The following APOO variants were observed in gnomAD, a reference collection of about 807,000 sequenced individuals.
APOO encodes the protein MICOS complex subunit MIC26.
Under a neutral mutation model 23.1 loss-of-function variants are expected in APOO, and 11 were observed. The ratio of observed to expected loss-of-function variants is 0.48; its 90% CI spans 0.30 to 0.79. The LOEUF (loss-of-function observed/expected upper bound fraction) is 0.79, where lower values mean the gene tolerates loss of function less well. Ranked by LOEUF, APOO falls within the 30% of genes least tolerant of loss-of-function variation. The pLI is 0.07. For synonymous variants in APOO, 59 were observed against 54.8 expected (o/e 1.08, Z -0.34); for missense variants, 160 against 142.7 (o/e 1.12, Z -0.62).
At chrX:23,840,452 G>C (rs1034767536) in intron 7 of APOO, 75 bp from the exon 8 acceptor site, 164 of 931,569 alleles carry the variant, frequency 1.8e-4, no homozygotes, top group Admixed American at 3.5e-4. Context: ...CTGAGTATTT[G>C]GCTGAACATG....
At chrX:23,869,210 C>A (rs1925489179) in intron 4 of APOO, among the ~76,000 whole-genome samples, 1 of 110,544 alleles carries the variant, frequency 9.0e-6, no homozygotes, top group African/African-American at 3.3e-5. Context: ...CGCCCGGCTG[C>A]AAGTGTCCAA....
At chrX:23,848,688 CT>C (rs762700350) in intron 7 of APOO, among the ~76,000 whole-genome samples, 114 of 95,203 alleles carry the variant, frequency 1.2e-3, no homozygotes, top group Admixed American at 9.3e-4. Context: ...ATTTTCTTTT[CT>C]TTTTTTTTTT....
At chrX:23,862,141 A>G (rs564457701) in intron 5 of APOO, among the ~76,000 whole-genome samples, 1 of 111,465 alleles carries the variant, frequency 9.0e-6, no homozygotes, top group South Asian at 3.7e-4. Context: ...TGGATAACCA[A>G]GAATCACCAG....
At position 23,866,178 on chromosome X, in the gene APOO, A is replaced by G. The variant is rs1263153219; in HGVS notation, c.388+2415T>C. Among the ~76,000 whole-genome samples, 4 of 111,655 alleles carry G rather than the reference A, an allele frequency of 3.6e-5. No homozygotes were observed. The South Asian group carries it at 1.1e-3, about 32-fold the overall frequency. On this transcript the variant is annotated intron_variant, in intron 5 of 8. Coordinates refer to ENST00000379226, the MANE Select transcript of APOO (RefSeq NM_024122.5). ...GGAAGCTCCTCTCACTCACTTCTACATTCCTATCTCCCTAACGATAGCTGA... is the reference window on the plus strand; with the variant it reads ...GGAAGCTCCTCTCACTCACTTCTACGTTCCTATCTCCCTAACGATAGCTGA...
intron 5 of APOO, among the ~76,000 whole-genome samples, chrX:23,858,944 T>G (rs1054376460): frequency 2.7e-5 from 3 of 111,031 alleles, no homozygotes; most frequent in African/African-American, 9.8e-5. Flanking sequence ...CTACAAAGAT[T>G]AAAATAAAAA....
chrX:23,857,201 A>G (rs1392216333), intron 6 of APOO, among the ~76,000 whole-genome samples: 2 of 107,547 alleles, frequency 1.9e-5, no homozygotes, highest in African/African-American at 3.4e-5. Flanking sequence ...ACGATTTACA[A>G]TAACAAACCT....
intron 1 of APOO, among the ~76,000 whole-genome samples, chrX:23,892,869 C>G (rs1480747388): frequency 9.4e-6 from 1 of 106,046 alleles, no homozygotes; most frequent in East Asian, 3.0e-4. Context: ...ATTTTTCACT[C>G]GAAACAAAAC....
chrX:23,899,785 T>C (rs1487636129), intron 1 of APOO, among the ~76,000 whole-genome samples: 2 of 112,591 alleles, frequency 1.8e-5, no homozygotes, highest in Non-Finnish European at 3.7e-5. Context: ...TACAAACAAA[T>C]ATGCAAGTTC....
Position 23,859,986 on chromosome X carries a change from A to G in APOO, c.389-1253T>C, listed in dbSNP as rs761289158. Among the ~76,000 whole-genome samples the G allele has an allele frequency of 4.3e-4, 48 of 111,282 alleles. No individual in the cohort carries two copies. In the South Asian group the frequency reaches 6.0e-3, roughly 14 times the overall value. ...GCGTTCTTCTTCTCCCCTTTCTGCA[A>G]CCCCGTTAAAAAAACAGTAAGAAAA... On this transcript the variant is annotated intron_variant, in intron 5 of 8. Transcript: ENST00000379226.
At chrX:23,885,389 TTA>T (rs745832909) in intron 1 of APOO, among the ~76,000 whole-genome samples, 2 of 104,841 alleles carry the variant, frequency 1.9e-5, no homozygotes, top group African/African-American at 3.5e-5. Context: ...AATATATATA[TTA>T]TATATATATA....
At chrX:23,860,290 A>G (rs1175729895) in intron 5 of APOO, among the ~76,000 whole-genome samples, 1 of 110,470 alleles carries the variant, frequency 9.1e-6, no homozygotes, top group Non-Finnish European at 1.9e-5. Flanking sequence ...AGTCCGATGC[A>G]TGGACCAGCA....
rs1202364396 is a variant in APOO, at chrX:23,907,839, G to A, written c.-137C>T. The A allele has an allele frequency of 4.4e-6, 3 of 678,824 alleles. No homozygotes were observed. Among genetic ancestry groups the A allele is most frequent in the Non-Finnish European group, 6.2e-6 (3 of 485,984 alleles). 55.9% of individuals were successfully genotyped at this position (678,824 alleles called of 1,213,427 possible). Reference sequence around the variant, plus strand: ...CAGCGGTGCGGGTGACGGCCGTACTGCAAACTCGGTGCGGCGAAGGTTTAG... The same window carrying A: ...CAGCGGTGCGGGTGACGGCCGTACTACAAACTCGGTGCGGCGAAGGTTTAG... On this transcript the variant is annotated 5_prime_UTR_variant, in exon 1 of 9. Transcript: ENST00000379226.
intron 1 of APOO, among the ~76,000 whole-genome samples, chrX:23,896,282 T>C (rs1926904524): frequency 9.1e-6 from 1 of 109,309 alleles, no homozygotes. Context: ...AAAAAAAATA[T>C]GATGTTAACA....
intron 1 of APOO, among the ~76,000 whole-genome samples, chrX:23,899,870 T>C (rs1338448382): frequency 8.9e-6 from 1 of 112,568 alleles, no homozygotes; most frequent in Non-Finnish European, 1.9e-5. Flanking sequence ...ATATAGATTA[T>C]AAATTAAACC....
At chrX:23,885,794 GGGT>G (rs1278799571) in intron 1 of APOO, among the ~76,000 whole-genome samples, 14 of 111,102 alleles carry the variant, frequency 1.3e-4, no homozygotes, top group South Asian at 1.1e-3. Context: ...GTGGCCACAA[GGGT>G]GGTAGCACCA....
At chrX:23,900,871 T>G (rs781744300) in intron 1 of APOO, among the ~76,000 whole-genome samples, 1 of 110,828 alleles carries the variant, frequency 9.0e-6, no homozygotes, top group African/African-American at 3.3e-5. Flanking sequence ...AAAAATGTAT[T>G]TATGTGAGTA....
chrX:23,860,598 G>T (rs962109094), intron 5 of APOO, among the ~76,000 whole-genome samples: 1 of 109,484 alleles, frequency 9.1e-6, no homozygotes, highest in African/African-American at 3.3e-5. Flanking sequence ...CTGCAGCCTC[G>T]ACCTCCCAGG....
chrX:23,836,513 C>T (rs1923677882), intron 8 of APOO, among the ~76,000 whole-genome samples: 1 of 111,298 alleles, frequency 9.0e-6, no homozygotes, highest in South Asian at 3.7e-4. Context: ...CAGGGTTTCA[C>T]CATATTGGCC....
At chrX:23,840,713 C>T in intron 7 of APOO, 1 of 152,512 alleles carries the variant, frequency 6.6e-6, no homozygotes, top group Non-Finnish European at 1.3e-5. Context: ...CCTCATTATG[C>T]AGATTCAGCC....
Sources: allele counts gnomAD v4.1 joint callset (sites outside exome capture counted in the v4.1 genomes callset), GRCh38; gene constraint gnomAD v4.1.1; transcripts MANE v1.5; gene names NCBI Gene and HGNC (gene_info 2026-07-23, HGNC 2026-07-21).